Variants in NCKAP5 observed in about 807,000 individuals in gnomAD.
NCKAP5 encodes nck-associated protein 5.
Under a neutral mutation model 167.0 loss-of-function variants are expected in NCKAP5, and 92 were observed. That is an observed-to-expected ratio of 0.55 (90% CI 0.47 to 0.66). The LOEUF (loss-of-function observed/expected upper bound fraction) is 0.66, where lower values mean the gene tolerates loss of function less well. Ranked by LOEUF, NCKAP5 falls within the 30% of genes least tolerant of loss-of-function variation. The pLI is 0.00. For missense variants in NCKAP5, 2,378 were observed against 2,315.0 expected (o/e 1.03, Z -0.56); for synonymous variants, 891 against 877.4 (o/e 1.02, Z -0.27).
chr2:133,532,451 T>C lies in NCKAP5; in HGVS notation c.-61-14864A>G, dbSNP rs545704451. ...ATGACTGTACTGTAGCAATTTATAC[T>C]TATATCACCCATGTTAAAAGTTCTT... On this transcript the variant is annotated intron_variant, in intron 2 of 19. Coordinates refer to ENST00000409261, the MANE Select transcript of NCKAP5 (RefSeq NM_207363.3). 2.6e-5 allele frequency among the ~76,000 whole-genome samples: 4 copies of C among 152,316 alleles called. No individual in the cohort carries two copies. The South Asian group carries it at 8.3e-4, about 32-fold the overall frequency.
chr2:133,527,117 C>T (rs950286939), intron 2 of NCKAP5: 2 of 151,926 alleles, frequency 1.3e-5, no homozygotes, highest in Non-Finnish European at 2.9e-5. Context: ...AAAAGCCATC[C>T]AATTTCAAGA....
chr2:132,804,313 T>C (rs998363680), intron 11 of NCKAP5, among the ~76,000 whole-genome samples: 1 of 152,220 alleles, frequency 6.6e-6, no homozygotes, highest in Admixed American at 6.5e-5. Context: ...CCTGAGCCTA[T>C]TCTGGGATCT....
intron 3 of NCKAP5, among the ~76,000 whole-genome samples, chr2:133,399,093 C>G (rs1055591489): frequency 6.6e-6 from 1 of 152,200 alleles, no homozygotes; most frequent in African/African-American, 2.4e-5. Context: ...TCGGCAGATG[C>G]ATTTCCTTTT....
intron 5 of NCKAP5, among the ~76,000 whole-genome samples, chr2:133,200,397 A>G (rs1006917635): frequency 6.6e-6 from 1 of 152,132 alleles, no homozygotes; most frequent in East Asian, 1.9e-4. Flanking sequence ...TCAACAAATG[A>G]TGCTAGGATG....
At chr2:133,246,183 G>A (rs544705965) in intron 4 of NCKAP5, among the ~76,000 whole-genome samples, 5 of 151,974 alleles carry the variant, frequency 3.3e-5, no homozygotes, top group South Asian at 4.2e-4. Context: ...CTGAGTAGAC[G>A]GAGCTTTCCT....
At chr2:132,770,202 T>C (rs983219125) in intron 16 of NCKAP5, among the ~76,000 whole-genome samples, 1 of 152,070 alleles carries the variant, frequency 6.6e-6, no homozygotes, top group African/African-American at 2.4e-5. Context: ...TTGCCTGAGT[T>C]CTTGTTACAA....
At chr2:132,943,178 T>C (rs995037898) in intron 8 of NCKAP5, among the ~76,000 whole-genome samples, 1 of 152,236 alleles carries the variant, frequency 6.6e-6, no homozygotes, top group African/African-American at 2.4e-5. Flanking sequence ...ATGGGTTTTC[T>C]CTGTTGGTAA....
chr2:132,927,688 T>C (rs1327731490), intron 8 of NCKAP5, among the ~76,000 whole-genome samples: 1 of 152,170 alleles, frequency 6.6e-6, no homozygotes, highest in Non-Finnish European at 1.5e-5. Flanking sequence ...TATTGGTGTA[T>C]AAAAATGCCA....
chr2:133,412,025 T>C (rs1688804421), intron 3 of NCKAP5, among the ~76,000 whole-genome samples: 1 of 152,168 alleles, frequency 6.6e-6, no homozygotes, highest in African/African-American at 2.4e-5. Flanking sequence ...AGGAGGCAGC[T>C]AGCTCTGCCC....
intron 4 of NCKAP5, among the ~76,000 whole-genome samples, chr2:133,274,970 C>T (rs1416940829): frequency 6.7e-6 from 1 of 149,208 alleles, no homozygotes; most frequent in Non-Finnish European, 1.5e-5. Context: ...AAAAAAAAAA[C>T]CATAAACAAA....
chr2:132,947,949 A>G (rs997377), intron 8 of NCKAP5, among the ~76,000 whole-genome samples: 15,174 of 152,098 alleles, frequency 0.1, 2,104 homozygotes, highest in African/African-American at 0.31. Flanking sequence ...ACACAAACTT[A>G]CTACCCAAAC....
chr2:133,030,450 G>A (rs1260372650), intron 6 of NCKAP5, among the ~76,000 whole-genome samples: 1 of 152,136 alleles, frequency 6.6e-6, no homozygotes, highest in Non-Finnish European at 1.5e-5. Context: ...TCAGAAGAAG[G>A]TGTAAATCCG....
intron 3 of NCKAP5, among the ~76,000 whole-genome samples, chr2:133,495,315 T>C (rs894013199): frequency 6.6e-6 from 1 of 152,124 alleles, no homozygotes; most frequent in African/African-American, 2.4e-5. Context: ...TAAACCTCTG[T>C]AAATATTTTA....
intron 11 of NCKAP5, among the ~76,000 whole-genome samples, chr2:132,849,481 TTTGGGCCAATATCTCA>T (rs1688917377): frequency 1.3e-5 from 2 of 152,160 alleles, no homozygotes; most frequent in Admixed American, 1.3e-4. Context: ...ACAGTATATT[TTTGGGCCAATATCTCA>T]TTCACTCAGA....
At chr2:133,637,445 ACTCTCC>A in the NCKAP5 span, among the ~76,000 whole-genome samples, 1 of 134,488 alleles carries the variant, frequency 7.4e-6, no homozygotes, top group Non-Finnish European at 1.5e-5. Flanking sequence ...ACAAGAGTAG[ACTCTCC>A]AGAACTTCAT....
chr2:133,673,799 C>G, the NCKAP5 span, among the ~76,000 whole-genome samples: 654 of 152,240 alleles, frequency 4.3e-3, 7 homozygotes, highest in African/African-American at 0.015. Context: ...GAGCTCAGGA[C>G]GCTGCAATGT....
intron 3 of NCKAP5, among the ~76,000 whole-genome samples, chr2:133,309,886 C>G (rs1022166902): frequency 6.6e-6 from 1 of 152,158 alleles, no homozygotes; most frequent in Non-Finnish European, 1.5e-5. Context: ...AAAAATCCCT[C>G]CAAATAATCT....
rs1683322694 is a variant in NCKAP5 at position 132,784,064 on chromosome 2, C to T, written c.2747G>A (p.Cys916Tyr). The change falls in exon 14 of 20, where the codon TGT (cysteine) becomes TAT (tyrosine). Residue 916 changes from cysteine (C) to tyrosine (Y), a missense_variant. Cys to Tyr is a radical substitution (Grantham distance 194, BLOSUM62 -2). This residue lies in a region of NCKAP5 where 1,325 missense variants were observed against 1,274.5 expected (regional missense o/e 1.04). Coordinates refer to ENST00000409261, the MANE Select transcript of NCKAP5 (RefSeq NM_207363.3). ...CACCCCTGCCTCCGGCCCAGAGCCA[C>T]AGTGTTCATCCCTCGTGGGGGGCTC... ...SGEPPTRDEHCGSGPEAGVKS... is the reference protein window; with the variant it reads ...SGEPPTRDEHYGSGPEAGVKS... 1.3e-6 allele frequency: 2 copies of T among 1,527,620 alleles called. No homozygotes were observed. The highest frequency in any genetic ancestry group is 1.4e-5 in the African/African-American group (1 of 71,950). The allele number at this position is 1,527,620 out of a possible 1,614,324, so 94.6% of individuals were successfully genotyped here.
intron 6 of NCKAP5, among the ~76,000 whole-genome samples, chr2:132,997,109 T>A (rs183881396): frequency 1.3e-5 from 2 of 152,342 alleles, no homozygotes; most frequent in Non-Finnish European, 1.5e-5. Flanking sequence ...AATCCGCTGA[T>A]GTAGGAAGCC....
Sources: gnomAD v4.1 joint callset for allele counts (sites outside exome capture counted in the v4.1 genomes callset) on GRCh38, gnomAD v4.1.1 for gene constraint, gnomAD v4.1.1 regional missense constraint, MANE v1.5 for transcripts, NCBI Gene and HGNC (gene_info 2026-07-23, HGNC 2026-07-21) for gene names.